TTC23: variants seen among roughly 807,000 people sequenced by gnomAD.
The protein encoded by TTC23 is tetratricopeptide repeat protein 23.
A neutral mutation model predicts 55.1 loss-of-function variants in TTC23; 58 were observed. That is an observed-to-expected ratio of 1.05 (90% CI 0.85 to 1.31). TTC23 has a LOEUF of 1.31. Ranked by LOEUF, TTC23 falls within the 50% of genes most tolerant of loss-of-function variation. TTC23 has a pLI of 0.00. For synonymous variants in TTC23, 203 were observed against 199.9 expected, an observed-to-expected ratio of 1.02 and a Z score of -0.13; for missense variants, 516 against 534.4, an observed-to-expected ratio of 0.97 and a Z score of 0.34.
chr15:99,207,337 A>C (rs1428819072), intron 8 of TTC23, among the ~76,000 whole-genome samples: 1 of 152,264 alleles, frequency 6.6e-6, no homozygotes, highest in Non-Finnish European at 1.5e-5. Flanking sequence ...AATTTTTAAG[A>C]AAAATGCAAA....
At chr15:99,186,335 C>T (rs902017023) in intron 9 of TTC23, among the ~76,000 whole-genome samples, 1 of 152,112 alleles carries the variant, frequency 6.6e-6, no homozygotes, top group Non-Finnish European at 1.5e-5. Context: ...GATTTTTTGA[C>T]TTCAAATTCA....
intron 9 of TTC23, among the ~76,000 whole-genome samples, chr15:99,190,623 C>A (rs145176138): frequency 4.3e-4 from 66 of 152,028 alleles, no homozygotes; most frequent in Admixed American, 4.1e-3. Context: ...TGGCAAAATA[C>A]GTTACAATGG....
intron 4 of TTC23, among the ~76,000 whole-genome samples, chr15:99,230,099 C>T (rs1395458376): frequency 2.6e-5 from 4 of 152,010 alleles, no homozygotes; most frequent in African/African-American, 9.7e-5. Context: ...AAAACTGACC[C>T]AGAATTGACA....
intron 9 of TTC23, among the ~76,000 whole-genome samples, chr15:99,184,884 T>C (rs758059738): frequency 3.3e-5 from 5 of 152,174 alleles, no homozygotes; most frequent in Non-Finnish European, 7.4e-5. Context: ...CCATATGTCA[T>C]GGGAGGGACC....
At chr15:99,226,277 G>A (rs1292294090) in intron 5 of TTC23, among the ~76,000 whole-genome samples, 1 of 151,862 alleles carries the variant, frequency 6.6e-6, no homozygotes, top group Non-Finnish European at 1.5e-5. Context: ...TCCTAATTAC[G>A]ATCACTGTAC....
At chr15:99,214,324 G>A (rs986060384) in intron 8 of TTC23, among the ~76,000 whole-genome samples, 2 of 151,866 alleles carry the variant, frequency 1.3e-5, no homozygotes, top group African/African-American at 4.8e-5. Flanking sequence ...TGGCTAACAC[G>A]GTGAAACACC....
At chr15:99,214,595 TA>T (rs971672356) in intron 8 of TTC23, among the ~76,000 whole-genome samples, 1 of 151,090 alleles carries the variant, frequency 6.6e-6, no homozygotes, top group African/African-American at 2.4e-5. Context: ...TTGGATAAAT[TA>T]AAAAATATTT....
Position 99,204,390 on chromosome 15 carries a change from C to T in TTC23, c.582-4294G>A, listed in dbSNP as rs185518225. ...TTATTTATTCTGGTTATTAATCCCTCGACAGATGGGTAGTTTGCAAATATT... is the reference window on the plus strand; with the variant it reads ...TTATTTATTCTGGTTATTAATCCCTTGACAGATGGGTAGTTTGCAAATATT... On this transcript the variant is annotated intron_variant, in intron 8 of 13. Transcript: ENST00000394132. Among the ~76,000 whole-genome samples the T allele has an allele frequency of 2.1e-3, 325 of 152,140 alleles. 1 individual carries two copies. The highest frequency in any genetic ancestry group is 6.8e-3 in the Middle Eastern group (2 of 294).
intron 8 of TTC23, among the ~76,000 whole-genome samples, chr15:99,203,284 A>T (rs1485491569): frequency 6.6e-6 from 1 of 152,226 alleles, no homozygotes; most frequent in African/African-American, 2.4e-5. Context: ...GGTACCATGT[A>T]CACCAAAGCT....
At chr15:99,206,309 C>T (rs1196440786) in intron 8 of TTC23, among the ~76,000 whole-genome samples, 1 of 152,080 alleles carries the variant, frequency 6.6e-6, no homozygotes, top group Admixed American at 6.6e-5. Flanking sequence ...GGTATTGAGA[C>T]AACGCGGACC....
chr15:99,209,720 T>C (rs184114925), intron 8 of TTC23, among the ~76,000 whole-genome samples: 2 of 152,232 alleles, frequency 1.3e-5, no homozygotes, highest in Non-Finnish European at 2.9e-5. Context: ...GTAGCTAGTG[T>C]GGTTTTAAAA....
intron 9 of TTC23, among the ~76,000 whole-genome samples, chr15:99,193,160 A>G (rs1413277327): frequency 3.3e-5 from 5 of 152,188 alleles, no homozygotes; most frequent in Non-Finnish European, 5.9e-5. Flanking sequence ...GTCTCTGATA[A>G]GACTTTGGAC....
At chr15:99,210,355 AAAT>A (rs944071009) in intron 8 of TTC23, among the ~76,000 whole-genome samples, 3 of 152,166 alleles carry the variant, frequency 2.0e-5, no homozygotes, top group African/African-American at 7.2e-5. Context: ...CCCACATTGA[AAAT>A]AATAATAATA....
At chr15:99,207,380 T>A (rs2076708440) in intron 8 of TTC23, among the ~76,000 whole-genome samples, 1 of 152,154 alleles carries the variant, frequency 6.6e-6, no homozygotes, top group Non-Finnish European at 1.5e-5. Flanking sequence ...AACATGTGAA[T>A]AGATAATTCA....
At chr15:99,243,152 T>A (rs921171911) in intron 2 of TTC23, among the ~76,000 whole-genome samples, 11 of 151,736 alleles carry the variant, frequency 7.2e-5, no homozygotes, top group African/African-American at 2.4e-4. Flanking sequence ...CAAAACCCAA[T>A]AGGAAAAAAA....
chr15:99,238,478 G>C (rs758293497), intron 3 of TTC23, among the ~76,000 whole-genome samples: 9 of 152,158 alleles, frequency 5.9e-5, no homozygotes, highest in African/African-American at 2.2e-4. Flanking sequence ...AATCATTGCT[G>C]CTGCAATGAC....
intron 5 of TTC23, among the ~76,000 whole-genome samples, chr15:99,222,366 C>T (rs2078015270): frequency 6.6e-6 from 1 of 152,126 alleles, no homozygotes; most frequent in Non-Finnish European, 1.5e-5. Flanking sequence ...CCTCGACCTC[C>T]AGGGGGCTCG....
intron 9 of TTC23, among the ~76,000 whole-genome samples, chr15:99,197,164 G>A (rs1453828802): frequency 5.3e-5 from 8 of 151,038 alleles, no homozygotes; most frequent in South Asian, 2.1e-4. Flanking sequence ...ATGCAGTGGC[G>A]CGATCTCAGC....
At position 99,172,339 on chromosome 15, in the gene TTC23, C is replaced by T. The variant is rs141451815; in HGVS notation, c.865+2711G>A. On this transcript the variant is annotated intron_variant, in intron 10 of 13. Transcript: ENST00000394132. ...AGTGGGCTTTCTGAGTGCATGTCAC[C>T]GAATGCCCTCAGCTGCTGCAGGTTG... Among the ~76,000 whole-genome samples, 461 of 152,240 alleles carry T rather than the reference C, an allele frequency of 3.0e-3. 1 individual carries two copies. The highest frequency in any genetic ancestry group is 0.01 in the African/African-American group (436 of 41,556).
Sources: allele counts gnomAD v4.1 joint callset (sites outside exome capture counted in the v4.1 genomes callset), GRCh38; gene constraint gnomAD v4.1.1; transcripts MANE v1.5; gene names NCBI Gene and HGNC (gene_info 2026-07-23, HGNC 2026-07-21).